HTR2C: variants seen among roughly 807,000 people sequenced by gnomAD.
HTR2C encodes 5-hydroxytryptamine receptor 2C.
In HTR2C, 5 loss-of-function variants were observed where a neutral mutation model predicts 21.0. The observed-to-expected ratio is 0.24, with a 90% CI of 0.12 to 0.50. The LOEUF is 0.50. HTR2C is among the 20% of genes least tolerant of loss of function. The pLI, the probability that HTR2C is intolerant of heterozygous loss-of-function variation, is 0.98. For synonymous variants in HTR2C, 150 were observed against 145.3 expected, an observed-to-expected ratio of 1.03 and a Z score of -0.23; for missense variants, 271 against 371.2, an observed-to-expected ratio of 0.73 and a Z score of 2.22.
chrX:114,614,693 G>C (rs1928884950), intron 2 of HTR2C, among the ~76,000 whole-genome samples: 2 of 111,606 alleles, frequency 1.8e-5, no homozygotes, highest in Non-Finnish European at 1.9e-5. Context: ...AATCTCAGCA[G>C]GAGAGGCAGG....
At chrX:114,589,777 A>G in intron 1 of HTR2C, 2 of 297,508 alleles carry the variant, frequency 6.7e-6, no homozygotes, top group Non-Finnish European at 1.3e-5. Context: ...AGACTAAGCC[A>G]ATTTTTCGGA....
At chrX:114,876,422 CT>C (rs60498146) in intron 5 of HTR2C, among the ~76,000 whole-genome samples, 24 of 62,384 alleles carry the variant, frequency 3.8e-4, no homozygotes, top group African/African-American at 8.6e-4. Flanking sequence ...CTTTTTCTTT[CT>C]TTTTTTTTTT....
At chrX:114,736,163 A>G (rs1310212725) in intron 4 of HTR2C, among the ~76,000 whole-genome samples, 1 of 111,357 alleles carries the variant, frequency 9.0e-6, no homozygotes, top group Non-Finnish European at 1.9e-5. Context: ...TTATATGATG[A>G]TATAATATGA....
At chrX:114,607,169 C>A (rs1430092022) in intron 1 of HTR2C, among the ~76,000 whole-genome samples, 2 of 111,927 alleles carry the variant, frequency 1.8e-5, no homozygotes, top group African/African-American at 3.3e-5. Context: ...TCTTCAGTTA[C>A]TTCAGGCCAT....
intron 1 of HTR2C, among the ~76,000 whole-genome samples, chrX:114,613,254 T>C (rs1397939094): frequency 8.9e-6 from 1 of 111,882 alleles, no homozygotes; most frequent in Admixed American, 9.5e-5. Flanking sequence ...TGCCCATTTT[T>C]ATGGTTATTT....
intron 2 of HTR2C, among the ~76,000 whole-genome samples, chrX:114,630,254 CT>C (rs1181329833): frequency 9.0e-6 from 1 of 111,438 alleles, no homozygotes; most frequent in East Asian, 2.8e-4. Flanking sequence ...AGCAACTTTT[CT>C]TTTGTAAGGG....
chrX:114,672,441 A>G (rs1931414550), intron 2 of HTR2C, among the ~76,000 whole-genome samples: 1 of 111,750 alleles, frequency 8.9e-6, no homozygotes, highest in Non-Finnish European at 1.9e-5. Context: ...TAAATATTTC[A>G]ATATCACTCC....
chrX:114,846,313 T>C (rs2070873482), intron 4 of HTR2C, among the ~76,000 whole-genome samples: 2 of 112,057 alleles, frequency 1.8e-5, no homozygotes, highest in African/African-American at 6.5e-5. Context: ...CATTTTGTAA[T>C]ATATTCTATT....
At chrX:114,777,874 T>C (rs1347331053) in intron 4 of HTR2C, among the ~76,000 whole-genome samples, 1 of 111,927 alleles carries the variant, frequency 8.9e-6, no homozygotes, top group Non-Finnish European at 1.9e-5. Context: ...CCAAATTCAG[T>C]GACTCTGACT....
At position 114,647,631 on chromosome X, in the gene HTR2C, G is replaced by A. The variant is rs1044064149; in HGVS notation, c.-80+33750G>A. 2.7e-5 allele frequency among the ~76,000 whole-genome samples: 3 copies of A among 112,280 alleles called. No homozygotes were observed. In the East Asian group the frequency reaches 8.4e-4, roughly 31 times the overall value. The stretch of plus-strand genomic sequence containing the variant: ...AATTAATTGCTCCTAGCCTTGTAGA[G>A]GAGAGAGATGTGCAGACAAATAATT... On this transcript the variant is annotated intron_variant, in intron 2 of 5. Coordinates refer to ENST00000276198, the MANE Select transcript of HTR2C (RefSeq NM_000868.4).
intron 4 of HTR2C, among the ~76,000 whole-genome samples, chrX:114,761,712 TA>T (rs2069867924): frequency 9.2e-6 from 1 of 109,254 alleles, no homozygotes; most frequent in Non-Finnish European, 1.9e-5. Flanking sequence ...CACAACTGAT[TA>T]TTAAGCACAG....
intron 2 of HTR2C, among the ~76,000 whole-genome samples, chrX:114,703,856 A>C (rs1194107375): frequency 1.8e-5 from 2 of 110,400 alleles, no homozygotes; most frequent in Non-Finnish European, 3.8e-5. Flanking sequence ...AATAGACGCA[A>C]TAAAAAATGA....
At chrX:114,782,728 G>A (rs923950180) in intron 4 of HTR2C, among the ~76,000 whole-genome samples, 2 of 110,759 alleles carry the variant, frequency 1.8e-5, no homozygotes, top group Admixed American at 1.9e-4. Flanking sequence ...AAAAAAAAAG[G>A]TGTCAAAATA....
intron 2 of HTR2C, among the ~76,000 whole-genome samples, chrX:114,693,977 T>C (rs1556415437): frequency 9.0e-6 from 1 of 111,457 alleles, no homozygotes; most frequent in Admixed American, 9.6e-5. Flanking sequence ...AGACAAATAA[T>C]GGCATGACCA....
At chrX:114,756,046 G>A (rs1226805739) in intron 4 of HTR2C, among the ~76,000 whole-genome samples, 6 of 110,250 alleles carry the variant, frequency 5.4e-5, no homozygotes, top group Non-Finnish European at 9.5e-5. Flanking sequence ...ACGAGTTTAA[G>A]ATTACAGTGA....
intron 5 of HTR2C, among the ~76,000 whole-genome samples, chrX:114,871,195 A>G (rs1284003581): frequency 9.0e-6 from 1 of 111,693 alleles, no homozygotes; most frequent in Non-Finnish European, 1.9e-5. Flanking sequence ...CTGGTCATTC[A>G]GGAGCATATT....
chrX:114,851,830 A>G (rs1448479057), intron 5 of HTR2C, among the ~76,000 whole-genome samples: 2 of 111,335 alleles, frequency 1.8e-5, no homozygotes, highest in African/African-American at 6.5e-5. Flanking sequence ...ATGGTTTTAT[A>G]AAGCAGGATG....
intron 4 of HTR2C, among the ~76,000 whole-genome samples, chrX:114,804,191 C>G (rs1387850499): frequency 3.6e-5 from 4 of 111,657 alleles, no homozygotes; most frequent in African/African-American, 1.3e-4. Context: ...GTGGTTACAC[C>G]TAAGCTACTG....
chrX:114,720,175 G>A (rs1270296774), intron 2 of HTR2C, among the ~76,000 whole-genome samples: 3 of 110,804 alleles, frequency 2.7e-5, no homozygotes, highest in Non-Finnish European at 5.7e-5. Context: ...CTGACTAATG[G>A]TCAGGGTGAT....
Sources: allele counts gnomAD v4.1 joint callset (sites outside exome capture counted in the v4.1 genomes callset), GRCh38; gene constraint gnomAD v4.1.1; transcripts MANE v1.5; gene names NCBI Gene and HGNC (gene_info 2026-07-23, HGNC 2026-07-21).